The following BPTF variants were observed in gnomAD, a reference collection of about 807,000 sequenced individuals.
The protein encoded by BPTF is bromodomain PHD finger transcription factor.
A neutral mutation model predicts 292.5 loss-of-function variants in BPTF; 18 were observed. The ratio of observed to expected loss-of-function variants is 0.06; its 90% CI spans 0.04 to 0.09. The LOEUF (loss-of-function observed/expected upper bound fraction) is 0.09. Among genes scored for constraint, BPTF ranks in the 10% least tolerant of loss-of-function variants. The probability of loss-of-function intolerance (pLI) is 1.00; values close to 1 mark genes in which losing one functional copy is unlikely to be tolerated. For missense variants in BPTF, 2,726 were observed against 3,498.7 expected (o/e 0.78, Z 5.57); for synonymous variants, 1,225 against 1,251.9 (o/e 0.98, Z 0.45).
At chr17:67,963,280 C>A in intron 24 of BPTF, 2 of 1,454,270 alleles carry the variant, frequency 1.4e-6, no homozygotes, top group South Asian at 1.4e-5. Flanking sequence ...ATTTAAGTAC[C>A]ATGCAGCTCA....
intron 7 of BPTF, among the ~76,000 whole-genome samples, chr17:67,903,454 T>A (rs1340404225): frequency 3.9e-5 from 6 of 152,240 alleles, no homozygotes; most frequent in African/African-American, 1.4e-4. Context: ...TGGTTGTGTG[T>A]GCACTAAAAA....
intron 1 of BPTF, among the ~76,000 whole-genome samples, chr17:67,845,580 C>T (rs1329318890): frequency 6.6e-6 from 1 of 151,950 alleles, no homozygotes; most frequent in African/African-American, 2.4e-5. Flanking sequence ...TCAAGACCAG[C>T]CTGGGCAATG....
At chr17:67,861,534 T>C (rs919768396) in intron 2 of BPTF, among the ~76,000 whole-genome samples, 2 of 152,048 alleles carry the variant, frequency 1.3e-5, no homozygotes, top group Non-Finnish European at 2.9e-5. Flanking sequence ...CAGGCTGATA[T>C]TGAACTCCTG....
Position 67,964,232 on chromosome 17 carries a change from G to A in BPTF, c.8282G>A (p.Arg2761Gln). 3.1e-6 allele frequency: 5 copies of A among 1,611,160 alleles called. No homozygotes were observed. The highest frequency in any genetic ancestry group is 4.2e-6 in the Non-Finnish European group (5 of 1,177,686). Reference protein sequence around the residue: ...DESKFYIGCDRCQNWYHGRCV... With the variant: ...DESKFYIGCDQCQNWYHGRCV... ...TGCAGATTTTATATTGGCTGTGATC[G>A]GTGTCAGAATTGGTACCATGGGCGC... Residue 2761 changes from arginine (R) to glutamine (Q), a missense_variant, in exon 25 of 28, where the codon CGG becomes CAG. Coordinates refer to ENST00000306378, the MANE Select transcript of BPTF (RefSeq NM_182641.4).
At chr17:67,978,621 A>G (rs112636457) in intron 27 of BPTF, among the ~76,000 whole-genome samples, 53 of 152,218 alleles carry the variant, frequency 3.5e-4, no homozygotes, top group Non-Finnish European at 6.3e-4. Context: ...ATTTGAGTTC[A>G]GAAAACAAGT....
intron 18 of BPTF, among the ~76,000 whole-genome samples, chr17:67,932,960 A>G (rs1568109493): frequency 1.6e-5 from 2 of 123,282 alleles, no homozygotes; most frequent in African/African-American, 6.8e-5. Context: ...GCTTAAAGGT[A>G]AAAAAGATCA....
At chr17:67,851,164 C>T (rs1236985797) in intron 1 of BPTF, among the ~76,000 whole-genome samples, 1 of 152,046 alleles carries the variant, frequency 6.6e-6, no homozygotes, top group Non-Finnish European at 1.5e-5. Context: ...AGTCTGGGAC[C>T]CTAGCTCTTT....
chr17:67,928,734 A>G (rs542773932), intron 16 of BPTF, 133 bp downstream of exon 16: 1 of 1,210,596 alleles, frequency 8.3e-7, no homozygotes, highest in Admixed American at 2.9e-5. Flanking sequence ...ACAAGCTGTA[A>G]CGGTTGGTTT....
chr17:67,901,609 T>C (rs534837968), intron 7 of BPTF, among the ~76,000 whole-genome samples: 1 of 152,338 alleles, frequency 6.6e-6, no homozygotes, highest in East Asian at 1.9e-4. Context: ...GACAAAGGAT[T>C]TGAATAGGCA....
intron 4 of BPTF, among the ~76,000 whole-genome samples, chr17:67,876,875 T>C (rs2060082417): frequency 6.6e-6 from 1 of 152,002 alleles, no homozygotes; most frequent in Admixed American, 6.6e-5. Context: ...TCAAGGAAAC[T>C]AGAATGGGAG....
chr17:67,943,185 C>T (rs538759488), intron 19 of BPTF, among the ~76,000 whole-genome samples: 27 of 152,142 alleles, frequency 1.8e-4, no homozygotes, highest in African/African-American at 4.3e-4. Flanking sequence ...ACCACAGTGG[C>T]GGTTTTATAG....
At chr17:67,975,707 C>G in intron 26 of BPTF, 65 bp from the exon 27 acceptor site, 4 of 1,425,482 alleles carry the variant, frequency 2.8e-6, no homozygotes, top group Middle Eastern at 1.8e-4. Context: ...GTTAGAACTT[C>G]GGAGAATATT....
At chr17:67,904,437 A>G (rs982520084) in intron 8 of BPTF, among the ~76,000 whole-genome samples, 4 of 152,346 alleles carry the variant, frequency 2.6e-5, no homozygotes, top group African/African-American at 9.6e-5. Flanking sequence ...TACAAGGCCA[A>G]TTTGTTGAAA....
intron 23 of BPTF, chr17:67,951,258 A>G (rs7502482): frequency 0.88 from 134,435 of 152,120 alleles, 61,799 homozygotes; most frequent in East Asian, 1. Flanking sequence ...AATCAGCCCC[A>G]ATCCTGAGGC....
Position 67,888,564 on chromosome 17 carries a change from T to G in BPTF, c.1865-3280T>G, listed in dbSNP as rs75868702. 2.4e-5 allele frequency among the ~76,000 whole-genome samples: 3 copies of G among 126,034 alleles called. No homozygotes were observed. The East Asian group carries it at 8.5e-4, about 36-fold the overall frequency. The allele number at this position is 126,034 out of a possible 152,430, so 82.7% of individuals were successfully genotyped here. On this transcript the variant is annotated intron_variant, in intron 4 of 27. Transcript: ENST00000306378. Reference sequence around the variant, plus strand: ...GAGATCGTGCCACTGCACTCCAGTCTGGGTGACAGAACGAGACTCCGTCTC... The same window carrying G: ...GAGATCGTGCCACTGCACTCCAGTCGGGGTGACAGAACGAGACTCCGTCTC...
In BPTF at chr17:67,946,337, A is replaced by G. The variant is rs782350491; in HGVS notation, c.7617+12A>G. The G allele has an allele frequency of 6.2e-7, 1 of 1,611,090 alleles. No homozygotes were observed. Among genetic ancestry groups the G allele is most frequent in the Non-Finnish European group, 8.5e-7 (1 of 1,178,472 alleles). On this transcript the variant is annotated intron_variant, in intron 21 of 27. Transcript: ENST00000306378. ...TCATTCAGAAACAGGTAAAGTTATT[A>G]AGTAAAAGCAGCATGTTCAGTAGCT...
intron 9 of BPTF, among the ~76,000 whole-genome samples, chr17:67,908,778 A>C (rs2062421830): frequency 6.7e-6 from 1 of 150,134 alleles, no homozygotes; most frequent in Admixed American, 6.7e-5. Context: ...GGCATAAGCC[A>C]CTACACCCAT....
chr17:67,842,208 T>C (rs2057607971), intron 1 of BPTF, among the ~76,000 whole-genome samples: 1 of 152,146 alleles, frequency 6.6e-6, no homozygotes, highest in African/African-American at 2.4e-5. Flanking sequence ...ATGCATACAT[T>C]GTATATATAC....
At chr17:67,849,713 G>C (rs2058266904) in intron 1 of BPTF, among the ~76,000 whole-genome samples, 1 of 152,016 alleles carries the variant, frequency 6.6e-6, no homozygotes, top group Non-Finnish European at 1.5e-5. Flanking sequence ...TAAGGCGGGT[G>C]GATCACTTGA....
Sources: gnomAD v4.1 joint callset for allele counts (sites outside exome capture counted in the v4.1 genomes callset) on GRCh38, gnomAD v4.1.1 for gene constraint, MANE v1.5 for transcripts, NCBI Gene and HGNC (gene_info 2026-07-23, HGNC 2026-07-21) for gene names.